Variants in TRAF7 observed in about 807,000 individuals in gnomAD.
TRAF7 encodes TNF receptor associated factor 7, also known as E3 ubiquitin-protein ligase TRAF7.
A neutral mutation model predicts 89.3 loss-of-function variants in TRAF7; 45 were observed. That is an observed-to-expected ratio of 0.50 (90% CI 0.40 to 0.65). The LOEUF (loss-of-function observed/expected upper bound fraction) is 0.65, where lower values mean the gene tolerates loss of function less well. Among genes scored for constraint, TRAF7 ranks in the 30% least tolerant of loss-of-function variants. TRAF7 has a pLI of 0.00. For missense variants in TRAF7, 677 were observed against 918.1 expected, an observed-to-expected ratio of 0.74 and a Z score of 3.39; for synonymous variants, 406 against 369.2, an observed-to-expected ratio of 1.10 and a Z score of -1.14.
intron 9 of TRAF7, 58 bp downstream of exon 9, chr16:2,172,657 G>A (rs888418443): frequency 3.3e-6 from 5 of 1,509,806 alleles, no homozygotes; most frequent in South Asian, 2.5e-5. Flanking sequence ...CACAGGCTCC[G>A]CTGAGAGCTG....
At chr16:2,170,537 G>T in intron 4 of TRAF7, 77 bp from the exon 5 acceptor site, 3 of 1,145,292 alleles carry the variant, frequency 2.6e-6, no homozygotes, top group Non-Finnish European at 3.9e-6. Context: ...TCGCGCTTCC[G>T]CCGGGCTGGG....
rs2093094499 is a variant in TRAF7 at position 2,168,179 on chromosome 16, AC to A, written c.231+16del. 2 of 1,602,026 alleles carry A rather than the reference AC, an allele frequency of 1.2e-6. No homozygotes were observed. Among genetic ancestry groups the A allele is most frequent in the African/African-American group, 1.3e-5 (1 of 74,466 alleles). ...GAGGAGGACAGCATGGTAGGTCCCTACCCCCAGGAGCCCGTGTGAGCCTCAG... is the reference window on the plus strand; with the variant it reads ...GAGGAGGACAGCATGGTAGGTCCCTACCCCAGGAGCCCGTGTGAGCCTCAG... On this transcript the variant is annotated intron_variant, in intron 4 of 20. Coordinates refer to ENST00000326181, the MANE Select transcript of TRAF7 (RefSeq NM_032271.3). The surrounding 1 kb of genome is among the most constrained non-coding windows in gnomAD (Gnocchi z 4.1).
At chr16:2,166,386 G>T (rs1383384416) in intron 3 of TRAF7, among the ~76,000 whole-genome samples, 1 of 152,216 alleles carries the variant, frequency 6.6e-6, no homozygotes, top group African/African-American at 2.4e-5. Flanking sequence ...AATAGGAAGG[G>T]AGGGAGAGTG....
Position 2,173,353 on chromosome 16 carries a change from C to T in TRAF7, c.966C>T (p.Leu322=), listed in dbSNP as rs755942244. The T allele has an allele frequency of 1.2e-6, 2 of 1,613,604 alleles. No individual in the cohort carries two copies. The highest frequency in any genetic ancestry group is 1.7e-6 in the Non-Finnish European group (2 of 1,180,022). ...TCCTGCGCTCCATGCTGGGAAAGCT[C>T]TCGGAGAAGATCGACCAGCTAGAGA... is the stretch of plus-strand genomic sequence containing the variant. ...IAFLRSMLGK[L]SEKIDQLEKS... The change falls in exon 10 of 21, where the codon CTC becomes CTT. Residue 322 remains leucine (L), a synonymous_variant. Coordinates refer to ENST00000326181, the MANE Select transcript of TRAF7 (RefSeq NM_032271.3).
Position 2,173,393 on chromosome 16 carries a change from A to G in TRAF7, c.1006A>G (p.Lys336Glu). The change falls in exon 10 of 21, where the codon AAG (lysine) becomes GAG (glutamate). Residue 336 changes from lysine (K) to glutamate (E), a missense_variant. Lys to Glu is a moderately conservative substitution (Grantham distance 56). Transcript: ENST00000326181. Reference sequence around the variant, plus strand: ...CCAGCTAGAGAAGAGCCTGGAGCTCAAGTTTGGTGAGGGTGGGCACCGGGG... The same window carrying G: ...CCAGCTAGAGAAGAGCCTGGAGCTCGAGTTTGGTGAGGGTGGGCACCGGGG... ...IDQLEKSLELKFDVLDENQSK... is the reference protein window; with the variant it reads ...IDQLEKSLELEFDVLDENQSK... The G allele has an allele frequency of 6.2e-7, 1 of 1,613,220 alleles. No individual in the cohort carries two copies. The highest frequency in any genetic ancestry group is 8.5e-7 in the Non-Finnish European group (1 of 1,179,796).
intron 9 of TRAF7, 65 bp from the exon 10 acceptor site, chr16:2,173,117 G>A (rs771421084): frequency 2.7e-6 from 4 of 1,473,790 alleles, no homozygotes; most frequent in Non-Finnish European, 3.7e-6. Flanking sequence ...ATTTGAGGGG[G>A]ATTCTTGGGG....
intron 11 of TRAF7, 108 bp downstream of exon 11, chr16:2,173,662 T>C: frequency 6.4e-7 from 1 of 1,572,296 alleles, no homozygotes; most frequent in Non-Finnish European, 8.7e-7. Context: ...ATCAGGGGTC[T>C]TGTGTGTGGC....
At position 2,175,327 on chromosome 16, in the gene TRAF7, G is replaced by A. The variant is rs1195399145; in HGVS notation, c.1413G>A (p.Lys471=). 1.2e-6 allele frequency: 2 copies of A among 1,613,532 alleles called. No individual in the cohort carries two copies. The highest frequency in any genetic ancestry group is 2.2e-5 in the East Asian group (1 of 44,876). Residue 471 remains lysine, a synonymous_variant, in exon 16 of 21, where the codon AAG becomes AAA. Transcript: ENST00000326181. ...TGTGGGACATCCAGAACCTGCAGAA[G>A]GTGAACACCATCCGGGCCCATGACA... ...IIVWDIQNLQ[K]VNTIRAHDNP...
At chr16:2,167,272 TG>T (rs1180427068) in intron 3 of TRAF7, among the ~76,000 whole-genome samples, 1 of 152,158 alleles carries the variant, frequency 6.6e-6, no homozygotes, top group African/African-American at 2.4e-5. Flanking sequence ...GTACCTCACC[TG>T]GCCCCTCATG....
chr16:2,172,434 T>C, intron 8 of TRAF7, 31 bp from the exon 9 acceptor site: 1 of 1,610,732 alleles, frequency 6.2e-7, no homozygotes, highest in Non-Finnish European at 8.5e-7. Context: ...GGGCTCTGGC[T>C]GAGGCCTCCC....
At chr16:2,156,369 C>T (rs1284516738) in intron 1 of TRAF7, among the ~76,000 whole-genome samples, 1 of 152,192 alleles carries the variant, frequency 6.6e-6, no homozygotes, top group Non-Finnish European at 1.5e-5. Context: ...TAACAAATGT[C>T]TCCATGCATT....
chr16:2,155,857 G>A lies in TRAF7; in HGVS notation c.-40G>A, dbSNP rs996733009. 1 of 150,998 alleles carries A rather than the reference G, an allele frequency of 6.6e-6. No homozygotes were observed. The highest frequency in any genetic ancestry group is 6.6e-5 in the Admixed American group (1 of 15,152). The allele number at this position is 150,998 out of a possible 1,614,324, so 9.4% of individuals were successfully genotyped here. ...CTGCCGCTCCCGGGCGGCCGCGGGCGGGTGAGTGTCCCCGCGGCGCGCCCG... is the reference window on the plus strand; with the variant it reads ...CTGCCGCTCCCGGGCGGCCGCGGGCAGGTGAGTGTCCCCGCGGCGCGCCCG... On this transcript the variant is annotated splice_region_variant and 5_prime_UTR_variant, in exon 1 of 21. Transcript: ENST00000326181.
rs913135751 is a variant in TRAF7, at chr16:2,176,649, G to A, written c.*75G>A. 5 of 1,609,392 alleles carry A rather than the reference G, an allele frequency of 3.1e-6. No homozygotes were observed. In the African/African-American group the frequency reaches 6.7e-5, roughly 22 times the overall value. ...CTGAGCCAGGCTGGCCACATGGGGT[G>A]GTCTCGGGGTTTCTGCCTGCCCCGT... On this transcript the variant is annotated 3_prime_UTR_variant, in exon 21 of 21. Coordinates refer to ENST00000326181, the MANE Select transcript of TRAF7 (RefSeq NM_032271.3).
rs998688402 is a variant in TRAF7 at position 2,158,770 on chromosome 16, G to GT, written c.-39+2912_-39+2913insT. ...GGGACTGGGAAGCGTGGGCTCGGCG[G>GT]GGGGGGGGGGGACACTGCCACCCTT... On this transcript the variant is annotated intron_variant, in intron 1 of 20. Coordinates refer to ENST00000326181, the MANE Select transcript of TRAF7 (RefSeq NM_032271.3). The surrounding 1 kb of genome is among the most constrained non-coding windows in gnomAD (Gnocchi z 4.7). 1.6e-5 allele frequency among the ~76,000 whole-genome samples: 2 copies of GT among 125,808 alleles called. No homozygotes were observed. Among genetic ancestry groups the GT allele is most frequent in the Non-Finnish European group, 1.7e-5 (1 of 58,342 alleles). 82.5% of individuals were successfully genotyped at this position (125,808 alleles called of 152,430 possible). A position where few individuals can be genotyped will look rare whatever the true frequency, so the allele number is the denominator to read the frequency against.
Position 2,175,571 on chromosome 16 carries a change from C to T in TRAF7, c.1575C>T (p.Ala525=), listed in dbSNP as rs756814748. The stretch of plus-strand genomic sequence containing the variant: ...CAGGCCTCAACCACTGGGTGCGGGC[C>T]CTGGTGGCTGCCCAGAGCTACCTGT... The part of the protein sequence containing the change: ...ELTGLNHWVR[A]LVAAQSYLYS... Residue 525 remains alanine, a synonymous_variant, in exon 17 of 21, where the codon GCC becomes GCT. Transcript: ENST00000326181. 6.2e-7 allele frequency: 1 copy of T among 1,612,910 alleles called. No homozygotes were observed. Among genetic ancestry groups the T allele is most frequent in the African/African-American group, 1.3e-5 (1 of 74,916 alleles).
chr16:2,176,682 G>A lies in TRAF7; in HGVS notation c.*108G>A. On this transcript the variant is annotated 3_prime_UTR_variant, in exon 21 of 21. Coordinates refer to ENST00000326181, the MANE Select transcript of TRAF7 (RefSeq NM_032271.3). ...GGTTTCTGCCTGCCCCGTGGGCATA[G>A]GTGGACAGGCTCTGGCAGCCGGGCA... 6.5e-7 allele frequency: 1 copy of A among 1,543,334 alleles called. No individual in the cohort carries two copies. The highest frequency in any genetic ancestry group is 8.9e-7 in the Non-Finnish European group (1 of 1,123,782).
In TRAF7 at chr16:2,162,535, C is replaced by T. The variant is rs372283152; in HGVS notation, c.-38-1348C>T. Among the ~76,000 whole-genome samples the T allele has an allele frequency of 1.2e-4, 19 of 152,082 alleles. No homozygotes were observed. Among genetic ancestry groups the T allele is most frequent in the South Asian group, 2.1e-4 (1 of 4,836 alleles). On this transcript the variant is annotated intron_variant, in intron 1 of 20. Transcript: ENST00000326181. The surrounding 1 kb of genome is among the most constrained non-coding windows in gnomAD (Gnocchi z 5.0). Reference sequence around the variant, plus strand: ...GCTGGGTGGGGGCAGAGACCAGCTCCGCCACTTTGGCCTGGGACTGGGACT... The same window carrying T: ...GCTGGGTGGGGGCAGAGACCAGCTCTGCCACTTTGGCCTGGGACTGGGACT...
chr16:2,173,333 CG>C lies in TRAF7; in HGVS notation c.947del (p.Arg316ProfsTer14). The C allele has an allele frequency of 6.2e-7, 1 of 1,613,618 alleles. No individual in the cohort carries two copies. The highest frequency in any genetic ancestry group is 8.5e-7 in the Non-Finnish European group (1 of 1,180,024). On this transcript the variant is annotated frameshift_variant, in exon 10 of 21. Coordinates refer to ENST00000326181, the MANE Select transcript of TRAF7 (RefSeq NM_032271.3). LOFTEE classifies it high-confidence loss of function. ...GAAGGACCAGGAGATCGCCTTCCTG[CG>C]CTCCATGCTGGGAAAGCTCTCGGAG... is the stretch of plus-strand genomic sequence containing the variant. ...AQKDQEIAFL[R>X]SMLGKLSEKI...
chr16:2,176,102 C>A lies in TRAF7; in HGVS notation c.1800C>A (p.Gly600=). ...EQVRTLTGHV[G]TVYALAVIST... is the part of the protein sequence containing the mutation. ...TGCGGACCCTCACGGGCCACGTGGG[C>A]ACCGTGTATGCCCTGGCGGTCATCT... is the stretch of plus-strand genomic sequence containing the variant. The change falls in exon 19 of 21, where the codon GGC becomes GGA. Residue 600 remains glycine (G), a synonymous_variant. Transcript: ENST00000326181. 6.2e-7 allele frequency: 1 copy of A among 1,611,248 alleles called. No individual in the cohort carries two copies. Among genetic ancestry groups the A allele is most frequent in the East Asian group, 2.2e-5 (1 of 44,830 alleles).
Sources: gnomAD v4.1 joint callset for allele counts (sites outside exome capture counted in the v4.1 genomes callset) on GRCh38, gnomAD v4.1.1 for gene constraint, Gnocchi (gnomAD v3.1) non-coding constraint, MANE v1.5 for transcripts, NCBI Gene and HGNC (gene_info 2026-07-23, HGNC 2026-07-21) for gene names.